Variants in CIZ1 observed in about 807,000 individuals in gnomAD.
CIZ1 encodes cip1-interacting zinc finger protein.
A neutral mutation model predicts 118.6 loss-of-function variants in CIZ1; 58 were observed. That is an observed-to-expected ratio of 0.49 (90% CI 0.40 to 0.61). The LOEUF (loss-of-function observed/expected upper bound fraction) is 0.61, where lower values mean the gene tolerates loss of function less well. Among genes scored for constraint, CIZ1 ranks in the 20% least tolerant of loss-of-function variants. The pLI is 0.00. For missense variants in CIZ1, 921 were observed against 1,115.9 expected, an observed-to-expected ratio of 0.83 and a Z score of 2.49; for synonymous variants, 448 against 443.4, an observed-to-expected ratio of 1.01 and a Z score of -0.13.
rs764150645 is a variant in CIZ1 at position 128,166,563 on chromosome 9, A to C, written c.2488-157T>G. 10 of 921,152 alleles carry C rather than the reference A, an allele frequency of 1.1e-5. No individual in the cohort carries two copies. Among genetic ancestry groups the C allele is most frequent in the Non-Finnish European group, 1.6e-5 (10 of 615,402 alleles). The allele number at this position is 921,152 out of a possible 1,614,324, so 57.1% of individuals were successfully genotyped here. A position where few individuals can be genotyped will look rare whatever the true frequency, so the allele number is the denominator to read the frequency against. On this transcript the variant is annotated intron_variant, in intron 16 of 16. Coordinates refer to ENST00000372938, the MANE Select transcript of CIZ1 (RefSeq NM_001131016.2). This position sits in a 1 kb window ranked among gnomAD's most constrained non-coding sequence, Gnocchi z 4.4. ...TCTCTGGGCCGTCTCTGGAGCTAAC[A>C]GCCTGGCACTCAGCATCCCCTTGAA...
chr9:128,194,207 C>G (rs1031348273), upstream of CIZ1, among the ~76,000 whole-genome samples: 1 of 151,234 alleles, frequency 6.6e-6, no homozygotes, highest in Admixed American at 6.6e-5. Context: ...ACTAAAAATA[C>G]AAAAATTAGC....
intron 5 of CIZ1, among the ~76,000 whole-genome samples, chr9:128,181,506 A>G (rs1176987431): frequency 6.6e-6 from 1 of 152,244 alleles, no homozygotes; most frequent in Non-Finnish European, 1.5e-5. Context: ...TTCCAATATT[A>G]TGATAATCCT....
At position 128,166,201 on chromosome 9, in the gene CIZ1, G is replaced by A; in HGVS notation, c.2693C>T (p.Thr898Ile). The A allele has an allele frequency of 7.3e-7, 1 of 1,367,840 alleles. No homozygotes were observed. The highest frequency in any genetic ancestry group is 1.4e-5 in the South Asian group (1 of 72,000). The allele number at this position is 1,367,840 out of a possible 1,614,324, so 84.7% of individuals were successfully genotyped here. The change falls in exon 17 of 17, where the codon ACC becomes ATC. Residue 898 changes from threonine (T) to isoleucine (I), a missense_variant. By Grantham distance (89) the Thr-to-Ile change is moderately conservative. Transcript: ENST00000372938. This position sits in a 1 kb window ranked among gnomAD's most constrained non-coding sequence, Gnocchi z 4.4. Reference protein sequence around the residue: ...PLPRRSTRLKT With the variant: ...PLPRRSTRLKI The stretch of plus-strand genomic sequence containing the variant: ...AGGGACAGGGAGGTCCCTCTATCAG[G>A]TTTTGAGGCGGGTTGAGCGCCGAGG...
intron 1 of CIZ1, among the ~76,000 whole-genome samples, chr9:128,202,214 C>T (rs1833547240): frequency 6.6e-6 from 1 of 152,192 alleles, no homozygotes; most frequent in South Asian, 2.1e-4. Context: ...AGCAGTGCCC[C>T]CACACTGTTC....
intron 11 of CIZ1, among the ~76,000 whole-genome samples, chr9:128,172,522 A>T (rs1195843988): frequency 6.6e-6 from 1 of 152,160 alleles, no homozygotes; most frequent in African/African-American, 2.4e-5. Flanking sequence ...TGTCTCACTC[A>T]GCGAAAATAA....
chr9:128,172,206 A>AC (rs1460665020), intron 11 of CIZ1, among the ~76,000 whole-genome samples: 1 of 151,092 alleles, frequency 6.6e-6, no homozygotes, highest in Non-Finnish European at 1.5e-5. Flanking sequence ...TACATGTAAA[A>AC]CCCTGGCTGG....
chr9:128,189,053 G>A (rs954053734), intron 3 of CIZ1, among the ~76,000 whole-genome samples: 11 of 151,598 alleles, frequency 7.3e-5, no homozygotes, highest in South Asian at 4.2e-4. Flanking sequence ...CACCTCGGTC[G>A]GCCTCCCAAT....
chr9:128,179,619 C>A (rs947626460), intron 7 of CIZ1, among the ~76,000 whole-genome samples: 9 of 152,058 alleles, frequency 5.9e-5, no homozygotes, highest in African/African-American at 2.2e-4. Context: ...AGGTGTGAGC[C>A]ACCGCGCCCA....
At chr9:128,168,060 T>A (rs763804611) in intron 14 of CIZ1, among the ~76,000 whole-genome samples, 3 of 151,812 alleles carry the variant, frequency 2.0e-5, no homozygotes, top group Non-Finnish European at 2.9e-5. Flanking sequence ...AATACCCCAC[T>A]TTGGCTGCCA....
chr9:128,190,529 C>T, intron 2 of CIZ1, 85 bp from the exon 3 acceptor site: 1 of 1,360,528 alleles, frequency 7.4e-7, no homozygotes, highest in Non-Finnish European at 1.0e-6. Flanking sequence ...CCATTCTCTG[C>T]CCCACTCTGT....
intron 12 of CIZ1, 48 bp downstream of exon 12, chr9:128,169,972 C>T (rs1184831963): frequency 1.3e-6 from 2 of 1,537,456 alleles, no homozygotes; most frequent in African/African-American, 1.4e-5. Flanking sequence ...CTGGACTCCA[C>T]TTGCAGACGG....
rs535400848 is a variant in CIZ1 at position 128,191,144 on chromosome 9, C to T, written c.-5-282G>A. The T allele has an allele frequency of 5.9e-6, 3 of 510,620 alleles. No individual in the cohort carries two copies. The South Asian group carries it at 8.6e-5, about 15-fold the overall frequency. The allele number at this position is 510,620 out of a possible 1,614,324, so 31.6% of individuals were successfully genotyped here. ...AGTCCCTCCATCTCTCCATTTCTGG[C>T]GGCTCCATCCTCCCACCCTCAGCCT... On this transcript the variant is annotated intron_variant, in intron 1 of 16. Coordinates refer to ENST00000372938, the MANE Select transcript of CIZ1 (RefSeq NM_001131016.2). This position sits in a 1 kb window ranked among gnomAD's most constrained non-coding sequence, Gnocchi z 5.5.
chr9:128,178,247 T>A, intron 9 of CIZ1, 122 bp downstream of exon 9: 1 of 1,213,770 alleles, frequency 8.2e-7, no homozygotes, highest in Non-Finnish European at 1.2e-6. Flanking sequence ...CAGAGGGCTG[T>A]CATCCCATTT....
upstream of CIZ1, among the ~76,000 whole-genome samples, chr9:128,194,124 G>A (rs1430033168): frequency 6.6e-6 from 1 of 152,110 alleles, no homozygotes; most frequent in African/African-American, 2.4e-5. Flanking sequence ...CACTTTGGGA[G>A]GCTGAAGCAG....
Position 128,177,546 on chromosome 9 carries a change from CTTATCT to C in CIZ1, c.1818+14_1818+19del, listed in dbSNP as rs1831021100. 3.7e-5 allele frequency: 50 copies of C among 1,352,738 alleles called. No individual in the cohort carries two copies. The highest frequency in any genetic ancestry group is 5.3e-5 in the East Asian group (2 of 37,798). The allele number at this position is 1,352,738 out of a possible 1,614,324, so 83.8% of individuals were successfully genotyped here. ...CACGCAGGCCCCACCCCTCCCCACC[CTTATCT>C]CCTGTATCAGTACCTGCTGGCTGGA... On this transcript the variant is annotated intron_variant, in intron 10 of 16. Coordinates refer to ENST00000372938, the MANE Select transcript of CIZ1 (RefSeq NM_001131016.2).
chr9:128,169,709 T>G, intron 12 of CIZ1, 190 bp from the exon 13 acceptor site: 2 of 1,535,530 alleles, frequency 1.3e-6, no homozygotes, highest in South Asian at 2.4e-5. Context: ...GGCTGAGAGA[T>G]AGGATGGCAG....
chr9:128,181,930 T>C (rs1033551081), intron 5 of CIZ1, among the ~76,000 whole-genome samples: 3 of 152,238 alleles, frequency 2.0e-5, no homozygotes, highest in Non-Finnish European at 4.4e-5. Context: ...CTAGTCTGCC[T>C]TCATGTTCCA....
chr9:128,168,968 T>C lies in CIZ1; in HGVS notation c.2295+84A>G. On this transcript the variant is annotated intron_variant, in intron 14 of 16. Coordinates refer to ENST00000372938, the MANE Select transcript of CIZ1 (RefSeq NM_001131016.2). The stretch of plus-strand genomic sequence containing the variant: ...AGTGCCCACAGATGCCAGCCCAGTG[T>C]CTGGCCTCCGGGAGGTGGGATGAGG... 2 of 1,584,838 alleles carry C rather than the reference T, an allele frequency of 1.3e-6. 1 individual carries two copies. The highest frequency in any genetic ancestry group is 2.3e-5 in the South Asian group (2 of 87,162).
chr9:128,175,328 T>C (rs1206534682), intron 11 of CIZ1, among the ~76,000 whole-genome samples: 1 of 152,224 alleles, frequency 6.6e-6, no homozygotes, highest in African/African-American at 2.4e-5. Flanking sequence ...ATGATACTAA[T>C]AGCAAAGAAC....
Sources: allele counts gnomAD v4.1 joint callset (sites outside exome capture counted in the v4.1 genomes callset), GRCh38; gene constraint gnomAD v4.1.1; non-coding constraint Gnocchi (gnomAD v3.1); transcripts MANE v1.5; gene names NCBI Gene and HGNC (gene_info 2026-07-23, HGNC 2026-07-21).